The following UTS2B variants were observed in gnomAD, a reference collection of about 807,000 sequenced individuals.
The protein encoded by UTS2B is urotensin 2B, also known as urotensin-2B.
A neutral mutation model predicts 19.2 loss-of-function variants in UTS2B; 21 were observed. That is an observed-to-expected ratio of 1.09 (90% confidence interval 0.78 to 1.58). The LOEUF (loss-of-function observed/expected upper bound fraction) is 1.58. Among genes scored for constraint, UTS2B ranks in the 40% most tolerant of loss-of-function variants. The pLI is 0.00. For missense variants in UTS2B, 138 were observed against 130.3 expected (o/e 1.06, Z -0.29); for synonymous variants, 57 against 50.2 (o/e 1.14, Z -0.58).
chr3:191,325,276 TAA>T (rs1717716468), intron 2 of UTS2B, among the ~76,000 whole-genome samples: 2 of 152,098 alleles, frequency 1.3e-5, no homozygotes, highest in Non-Finnish European at 2.9e-5. Context: ...ATATGAGCTT[TAA>T]AGAAGTTGAA....
Position 191,322,698 on chromosome 3 carries a change from T to C in UTS2B, c.-586+5933A>G, listed in dbSNP as rs1459625443. On this transcript the variant is annotated intron_variant, in intron 2 of 8. Transcript: ENST00000340524. ...CAGCAAGTTTTAGAGGAAAAAATAA[T>C]GATGCAGTAGAGAGAGAAAATTTTG... 1.4e-4 allele frequency among the ~76,000 whole-genome samples: 22 copies of C among 152,106 alleles called. 1 individual carries two copies. Among genetic ancestry groups the C allele is most frequent in the Admixed American group, 1.4e-3 (22 of 15,262 alleles).
upstream of UTS2B, among the ~76,000 whole-genome samples, chr3:191,334,202 T>G (rs1388087578): frequency 1.3e-5 from 2 of 152,156 alleles, no homozygotes; most frequent in Non-Finnish European, 1.5e-5. Flanking sequence ...CCATGGTACA[T>G]GAACATGATC....
intron 1 of UTS2B, 165 bp from the exon 2 acceptor site, chr3:191,328,874 G>A (rs1717827185): frequency 6.6e-6 from 1 of 152,200 alleles, no homozygotes; most frequent in South Asian, 2.1e-4. Context: ...CCAGCTGATT[G>A]TGTACACACT....
At chr3:191,343,123 G>A in the UTS2B span, among the ~76,000 whole-genome samples, 1 of 152,066 alleles carries the variant, frequency 6.6e-6, no homozygotes, top group Admixed American at 6.6e-5. Flanking sequence ...CCTGAGTTCC[G>A]CAGGGCCAAC....
At chr3:191,331,235 C>T (rs1321343685), upstream of UTS2B, among the ~76,000 whole-genome samples, 58 of 152,150 alleles carry the variant, frequency 3.8e-4, no homozygotes, top group Non-Finnish European at 1.5e-4. Context: ...TCAAACAAAA[C>T]CTGGTATGTA....
At chr3:191,315,390 T>C (rs1717421213) in intron 3 of UTS2B, among the ~76,000 whole-genome samples, 2 of 152,106 alleles carry the variant, frequency 1.3e-5, no homozygotes, top group African/African-American at 2.4e-5. Flanking sequence ...GAAGCACAGG[T>C]AGAACAACTT....
At chr3:191,321,847 T>C (rs1349458173) in intron 2 of UTS2B, among the ~76,000 whole-genome samples, 1 of 152,144 alleles carries the variant, frequency 6.6e-6, no homozygotes, top group Non-Finnish European at 1.5e-5. Context: ...GCCAACATGG[T>C]GAAACCCCTC....
At chr3:191,301,654 T>G (rs556460618) in intron 4 of UTS2B, among the ~76,000 whole-genome samples, 1 of 150,626 alleles carries the variant, frequency 6.6e-6, no homozygotes, top group Non-Finnish European at 1.5e-5. Context: ...GCCCGGCTAA[T>G]TTTTTTTTGT....
chr3:191,311,436 T>C lies in UTS2B; in HGVS notation c.-182+4600A>G, dbSNP rs79886623. ...GAGCAGATTGATATCTCTTTCTCTC[T>C]CTCTCCACCTGTCTGTCATCCCTGG... On this transcript the variant is annotated intron_variant, in intron 3 of 8. Coordinates refer to ENST00000340524, the MANE Select transcript of UTS2B (RefSeq NM_198152.5). 9.5e-3 allele frequency among the ~76,000 whole-genome samples: 1,445 copies of C among 152,330 alleles called. 27 individuals are homozygous for C. The highest frequency in any genetic ancestry group is 0.032 in the African/African-American group (1,342 of 41,572).
the UTS2B span, among the ~76,000 whole-genome samples, chr3:191,338,781 T>C: frequency 3.9e-5 from 6 of 152,350 alleles, no homozygotes; most frequent in South Asian, 1.2e-3. Flanking sequence ...AGAAGTTGAT[T>C]GGTGTTGTGA....
chr3:191,271,735 T>C (rs952194565), intron 8 of UTS2B, among the ~76,000 whole-genome samples: 1 of 152,196 alleles, frequency 6.6e-6, no homozygotes, highest in Admixed American at 6.5e-5. Flanking sequence ...GATGCTCTCG[T>C]CACAATGCCA....
chr3:191,333,731 G>A (rs1718059488), upstream of UTS2B, among the ~76,000 whole-genome samples: 1 of 152,060 alleles, frequency 6.6e-6, no homozygotes, highest in Admixed American at 6.5e-5. Context: ...TTCTCTGTTG[G>A]TTTAGGAATC....
rs1716201960 is a variant in UTS2B at position 191,275,330 on chromosome 3, CT to C, written c.255del (p.Glu86AsnfsTer3). 1 of 1,613,154 alleles carries C rather than the reference CT, an allele frequency of 6.2e-7. No individual in the cohort carries two copies. Among genetic ancestry groups the C allele is most frequent in the African/African-American group, 1.3e-5 (1 of 74,894 alleles). ...GAATCCTTCTCCTCCACTAGCTGTT[CT>C]TTTAGCTTTTCCAGCTGATAAAATT... is the stretch of plus-strand genomic sequence containing the variant. ...LEELNQLEKL[K>X]EQLVEEKDSE... On this transcript the variant is annotated frameshift_variant, in exon 8 of 9. Coordinates refer to ENST00000340524, the MANE Select transcript of UTS2B (RefSeq NM_198152.5). LOFTEE classifies it high-confidence loss of function.
At chr3:191,336,629 A>T in the UTS2B span, among the ~76,000 whole-genome samples, 5 of 152,178 alleles carry the variant, frequency 3.3e-5, no homozygotes, top group African/African-American at 1.2e-4. Flanking sequence ...TATCAGAATG[A>T]TATGGGGATC....
chr3:191,313,582 AG>A (rs1374829251), intron 3 of UTS2B, among the ~76,000 whole-genome samples: 1 of 152,182 alleles, frequency 6.6e-6, no homozygotes, highest in African/African-American at 2.4e-5. Flanking sequence ...TGTCAAAGCT[AG>A]TTCTCTTTAA....
intron 2 of UTS2B, among the ~76,000 whole-genome samples, chr3:191,325,406 G>A (rs979931941): frequency 6.6e-6 from 1 of 152,136 alleles, no homozygotes; most frequent in Non-Finnish European, 1.5e-5. Flanking sequence ...TAATTTAGAG[G>A]GCTCTTGGAA....
chr3:191,344,627 G>A, the UTS2B span, among the ~76,000 whole-genome samples: 1 of 152,258 alleles, frequency 6.6e-6, no homozygotes, highest in African/African-American at 2.4e-5. Flanking sequence ...CACGCAGGCT[G>A]GATTGCAGTA....
intron 7 of UTS2B, among the ~76,000 whole-genome samples, chr3:191,276,504 G>C (rs1716240399): frequency 6.6e-6 from 1 of 152,154 alleles, no homozygotes; most frequent in Non-Finnish European, 1.5e-5. Flanking sequence ...CTACAGATGA[G>C]GAGATTTCAG....
rs185834222 is a variant in UTS2B, at chr3:191,273,054, T to C, written c.334+2198A>G. ...TTGGTGGCGCCCACCTGTAGTCCCA[T>C]CTACTCGGGAGGCTGAGGCAGGTGA... On this transcript the variant is annotated intron_variant, in intron 8 of 8. Transcript: ENST00000340524. Among the ~76,000 whole-genome samples, 737 of 147,894 alleles carry C rather than the reference T, an allele frequency of 5.0e-3. 1 individual carries two copies. The highest frequency in any genetic ancestry group is 0.011 in the Middle Eastern group (3 of 264).
Sources: allele counts gnomAD v4.1 joint callset (sites outside exome capture counted in the v4.1 genomes callset), GRCh38; gene constraint gnomAD v4.1.1; transcripts MANE v1.5; gene names NCBI Gene and HGNC (gene_info 2026-07-23, HGNC 2026-07-21).